The following NHSL1 variants were observed in gnomAD, a reference collection of about 807,000 sequenced individuals.
NHSL1 encodes the protein NHS-like protein 1.
A neutral mutation model predicts 95.0 loss-of-function variants in NHSL1; 48 were observed. The observed-to-expected ratio is 0.51, with a 90% confidence interval of 0.40 to 0.64. NHSL1 has a LOEUF of 0.64. NHSL1 is among the 30% of genes least tolerant of loss of function. The pLI is 0.00. For missense variants in NHSL1, 1,971 were observed against 2,077.7 expected, an observed-to-expected ratio of 0.95 and a Z score of 1.00; for synonymous variants, 783 against 833.9, an observed-to-expected ratio of 0.94 and a Z score of 1.05.
At chr6:138,607,851 G>A (rs1325746089) in intron 1 of NHSL1, among the ~76,000 whole-genome samples, 1 of 152,188 alleles carries the variant, frequency 6.6e-6, no homozygotes. Context: ...CTAAGAAACA[G>A]AATCAAAAGT....
At chr6:138,592,370 G>A (rs1482982263) in intron 1 of NHSL1, among the ~76,000 whole-genome samples, 3 of 152,120 alleles carry the variant, frequency 2.0e-5, no homozygotes, top group African/African-American at 4.8e-5. Flanking sequence ...AGGCTGAGGC[G>A]GGTGGATCAC....
intron 1 of NHSL1, among the ~76,000 whole-genome samples, chr6:138,613,693 TC>T (rs1452306271): frequency 6.6e-6 from 1 of 151,996 alleles, no homozygotes; most frequent in East Asian, 1.9e-4. Flanking sequence ...CTCCAGGTGT[TC>T]CCCCAAAGCA....
intron 5 of NHSL1, among the ~76,000 whole-genome samples, chr6:138,440,564 G>A (rs1046645829): frequency 8.6e-5 from 13 of 151,798 alleles, no homozygotes; most frequent in Admixed American, 2.6e-4. Flanking sequence ...GGCTGCCTGC[G>A]GCAAAGGCAG....
At chr6:138,596,992 C>T (rs1309536998) in intron 1 of NHSL1, among the ~76,000 whole-genome samples, 1 of 152,002 alleles carries the variant, frequency 6.6e-6, no homozygotes, top group East Asian at 1.9e-4. Flanking sequence ...AACCCTGTCT[C>T]TACCAAAAAA....
chr6:138,508,618 C>T (rs1291944333), intron 1 of NHSL1, among the ~76,000 whole-genome samples: 1 of 151,726 alleles, frequency 6.6e-6, no homozygotes, highest in African/African-American at 2.4e-5. Flanking sequence ...GGTGAGGGAT[C>T]CCACTGTCCA....
chr6:138,622,490 A>G (rs1041814400), intron 1 of NHSL1, among the ~76,000 whole-genome samples: 35 of 152,146 alleles, frequency 2.3e-4, no homozygotes, highest in Admixed American at 4.6e-4. Context: ...TGTCTCAAAA[A>G]AGAAAGAAAA....
At chr6:138,477,041 T>C (rs573980708) in intron 2 of NHSL1, among the ~76,000 whole-genome samples, 2 of 152,000 alleles carry the variant, frequency 1.3e-5, no homozygotes, top group East Asian at 1.9e-4. Flanking sequence ...CTTAATTTAT[T>C]AACTTATGCT....
intron 1 of NHSL1, among the ~76,000 whole-genome samples, chr6:138,644,329 G>A (rs1454544370): frequency 6.6e-6 from 1 of 151,904 alleles, no homozygotes; most frequent in Non-Finnish European, 1.5e-5. Flanking sequence ...GGTGAAACCT[G>A]GTGTCTACTA....
upstream of NHSL1, among the ~76,000 whole-genome samples, chr6:138,546,422 C>T (rs1469040934): frequency 2.1e-5 from 2 of 95,364 alleles, no homozygotes; most frequent in Non-Finnish European, 3.7e-5. Context: ...GAGACCCCAT[C>T]TCTACAAAAA....
rs143965002 is a variant in NHSL1 at position 138,460,828 on chromosome 6, C to T, written c.339+12478G>A. ...TGCCCCTCTGTGAGCGCACCTCAGC[C>T]TCCCTCCACCAGCACTCCTGTTATC... On this transcript the variant is annotated intron_variant, in intron 3 of 7. Transcript: ENST00000343505. Among the ~76,000 whole-genome samples the T allele has an allele frequency of 5.3e-3, 801 of 151,378 alleles. 3 individuals carry two copies. The highest frequency in any genetic ancestry group is 0.018 in the African/African-American group (737 of 41,238).
At chr6:138,654,780 T>C (rs1341530449) in intron 1 of NHSL1, among the ~76,000 whole-genome samples, 1 of 152,098 alleles carries the variant, frequency 6.6e-6, no homozygotes. Flanking sequence ...ATTCCATGTA[T>C]ACTGAGGAGA....
chr6:138,475,791 C>T (rs1562308945), intron 2 of NHSL1, among the ~76,000 whole-genome samples: 1 of 151,568 alleles, frequency 6.6e-6, no homozygotes, highest in African/African-American at 2.4e-5. Flanking sequence ...ACTAAAAATG[C>T]AAAACAAAAA....
rs1776917924 is a variant in NHSL1, at chr6:138,447,174, T to G, written c.359A>C (p.Glu120Ala). 1 of 1,551,044 alleles carries G rather than the reference T, an allele frequency of 6.4e-7. No homozygotes were observed. Among genetic ancestry groups the G allele is most frequent in the Non-Finnish European group, 8.7e-7 (1 of 1,146,996 alleles). ...TDQKCSLSSS[E>A]EERFISIRRP... is the part of the protein sequence containing the mutation. Reference sequence around the variant, plus strand: ...CCTGATGGAAATAAATCTTTCTTCTTCTGATGAAGACAGAGAACACTGCAG... The same window carrying G: ...CCTGATGGAAATAAATCTTTCTTCTGCTGATGAAGACAGAGAACACTGCAG... Residue 120 changes from glutamate to alanine, a missense_variant, in exon 4 of 8, where the codon GAA (glutamate) becomes GCA (alanine). By Grantham distance (107) the Glu-to-Ala change is moderately radical. Coordinates refer to ENST00000343505, the MANE Select transcript of NHSL1 (RefSeq NM_001144060.2).
At chr6:138,544,086 G>T (rs1562361039) in intron 1 of NHSL1, among the ~76,000 whole-genome samples, 1 of 152,138 alleles carries the variant, frequency 6.6e-6, no homozygotes, top group Non-Finnish European at 1.5e-5. Context: ...AGCTGCAGAT[G>T]TCCTACCCAG....
At chr6:138,497,700 A>G (rs4896370) in intron 1 of NHSL1, among the ~76,000 whole-genome samples, 91,764 of 152,014 alleles carry the variant, frequency 0.6, 27,889 homozygotes, top group Middle Eastern at 0.68. Context: ...AGGAACAGTA[A>G]AAATTATTCT....
chr6:138,551,415 A>G (rs1782996268), intron 1 of NHSL1, among the ~76,000 whole-genome samples: 1 of 152,136 alleles, frequency 6.6e-6, no homozygotes, highest in African/African-American at 2.4e-5. Flanking sequence ...CCTGGATGCA[A>G]GAGATTGGAG....
chr6:138,613,836 C>G (rs1159814372), intron 1 of NHSL1, among the ~76,000 whole-genome samples: 2 of 152,168 alleles, frequency 1.3e-5, no homozygotes, highest in Admixed American at 1.3e-4. Context: ...GTCGTCGGCC[C>G]ACATTTAGTG....
At chr6:138,674,189 A>T (rs556976018) in intron 1 of NHSL1, among the ~76,000 whole-genome samples, 11 of 152,258 alleles carry the variant, frequency 7.2e-5, no homozygotes, top group Admixed American at 6.5e-4. Context: ...ATTAGGTAAA[A>T]ATTCTCCTTT....
intron 1 of NHSL1, among the ~76,000 whole-genome samples, chr6:138,619,530 A>G (rs1335987714): frequency 3.9e-5 from 6 of 152,122 alleles, no homozygotes; most frequent in African/African-American, 1.4e-4. Context: ...TACTATTCCC[A>G]CCTAATTAAA....
Sources: allele counts gnomAD v4.1 joint callset (sites outside exome capture counted in the v4.1 genomes callset), GRCh38; gene constraint gnomAD v4.1.1; transcripts MANE v1.5; gene names NCBI Gene and HGNC (gene_info 2026-07-23, HGNC 2026-07-21).